The following FARS2 variants were observed in gnomAD, a reference collection of about 807,000 sequenced individuals.
The protein encoded by FARS2 is phenylalanine--tRNA ligase, mitochondrial.
Under a neutral mutation model 46.4 loss-of-function variants are expected in FARS2, and 40 were observed. The observed-to-expected ratio is 0.86, with a 90% CI of 0.67 to 1.12. FARS2 has a LOEUF of 1.12. Ranked by LOEUF, FARS2 falls within the 50% of genes most tolerant of loss-of-function variation. The probability of loss-of-function intolerance (pLI) is 0.00; values close to 1 mark genes in which losing one functional copy is unlikely to be tolerated. For missense variants in FARS2, 513 were observed against 567.9 expected (o/e 0.90, Z 0.98); for synonymous variants, 234 against 214.9 (o/e 1.09, Z -0.78).
rs138546598 is a variant in FARS2, at chr6:5,728,707, G to A, written c.1218-42584G>A. On this transcript the variant is annotated intron_variant, in intron 6 of 6. Transcript: ENST00000274680. ...GCTGGAGGAAAGAAATGGAGGCTGG[G>A]TTTAGAGTACTAGAAGTGGCAAGTC... Among the ~76,000 whole-genome samples, 483 of 152,304 alleles carry A rather than the reference G, an allele frequency of 3.2e-3. 2 individuals are homozygous for A. Among genetic ancestry groups the A allele is most frequent in the Non-Finnish European group, 5.1e-3 (347 of 68,028 alleles).
At chr6:5,546,072 C>G (rs963362213) in intron 5 of FARS2, among the ~76,000 whole-genome samples, 1 of 151,864 alleles carries the variant, frequency 6.6e-6, no homozygotes, top group Non-Finnish European at 1.5e-5. Flanking sequence ...AGGTTGCAGT[C>G]AGCTGAGATC....
intron 6 of FARS2, among the ~76,000 whole-genome samples, chr6:5,723,704 T>A (rs1425298170): frequency 6.6e-6 from 1 of 152,236 alleles, no homozygotes; most frequent in Non-Finnish European, 1.5e-5. Flanking sequence ...TTGAATCTGT[T>A]CTCAAGAATG....
intron 6 of FARS2, among the ~76,000 whole-genome samples, chr6:5,769,089 A>G (rs1224771028): frequency 6.6e-6 from 1 of 152,142 alleles, no homozygotes; most frequent in Non-Finnish European, 1.5e-5. Context: ...GTTTTCTTCT[A>G]AGAGTGATAA....
intron 6 of FARS2, among the ~76,000 whole-genome samples, chr6:5,732,895 A>G (rs1760726274): frequency 6.6e-6 from 1 of 151,984 alleles, no homozygotes; most frequent in African/African-American, 2.4e-5. Flanking sequence ...ACAGTTGCTG[A>G]ATTCTTCCTT....
At chr6:5,427,059 T>C (rs1762895376) in intron 3 of FARS2, among the ~76,000 whole-genome samples, 1 of 152,232 alleles carries the variant, frequency 6.6e-6, no homozygotes, top group Non-Finnish European at 1.5e-5. Context: ...TACTCAAAAA[T>C]AGTGCTTTGC....
At chr6:5,341,213 ATATATATATATATATATATATATTT>A (rs541939313) in intron 1 of FARS2, among the ~76,000 whole-genome samples, 3,222 of 15,906 alleles carry the variant, frequency 0.2, 367 homozygotes, top group Non-Finnish European at 0.23. Flanking sequence ...ATATATATAT[ATATATATATATATATATATATATTT>A]TTTTTTTTTT....
chr6:5,626,788 G>C (rs553677237), intron 6 of FARS2, among the ~76,000 whole-genome samples: 1 of 152,140 alleles, frequency 6.6e-6, no homozygotes, highest in Non-Finnish European at 1.5e-5. Context: ...ATCACTTAAC[G>C]ACGGGGATAC....
chr6:5,517,242 A>G (rs1356876572), intron 4 of FARS2, among the ~76,000 whole-genome samples: 1 of 152,236 alleles, frequency 6.6e-6, no homozygotes, highest in African/African-American at 2.4e-5. Flanking sequence ...TACGTTGTCC[A>G]TAGCCACTGG....
chr6:5,669,210 G>T (rs1221853527), intron 6 of FARS2, among the ~76,000 whole-genome samples: 2 of 152,148 alleles, frequency 1.3e-5, no homozygotes, highest in African/African-American at 2.4e-5. Context: ...ACACGGAGCA[G>T]ACGTGTTATC....
intron 4 of FARS2, chr6:5,451,983 T>A (rs1036033111): frequency 1.3e-5 from 2 of 152,268 alleles, no homozygotes; most frequent in African/African-American, 4.8e-5. Flanking sequence ...ACACGATAGT[T>A]AACTAAACTT....
rs114403670 is a variant in FARS2 at position 5,442,056 on chromosome 6, G to A, written c.904+10884G>A. Among the ~76,000 whole-genome samples, 862 of 152,146 alleles carry A rather than the reference G, an allele frequency of 5.7e-3. 8 individuals carry two copies. The highest frequency in any genetic ancestry group is 0.02 in the African/African-American group (823 of 41,478). On this transcript the variant is annotated intron_variant, in intron 4 of 6. Coordinates refer to ENST00000274680, the MANE Select transcript of FARS2 (RefSeq NM_006567.5). ...GGCTGCACTGAGCCATAGAGTAGCC[G>A]CCACTCCACTCCAGCCTGGGTGGTA...
intron 6 of FARS2, among the ~76,000 whole-genome samples, chr6:5,763,163 G>A (rs974262602): frequency 1.2e-4 from 19 of 152,170 alleles, no homozygotes; most frequent in African/African-American, 4.6e-4. Context: ...GGCTCCCATC[G>A]CTCATATCAT....
chr6:5,736,942 G>A (rs1362567746), intron 6 of FARS2, among the ~76,000 whole-genome samples: 2 of 152,134 alleles, frequency 1.3e-5, no homozygotes, highest in Non-Finnish European at 2.9e-5. Context: ...CCATTAGCAC[G>A]TGAGTTTGCT....
chr6:5,271,560 G>GTTTTTTT lies in FARS2; in HGVS notation c.-22+9914_-22+9920dup, dbSNP rs59053657. Among the ~76,000 whole-genome samples, 18 of 108,712 alleles carry GTTTTTTT rather than the reference G, an allele frequency of 1.7e-4. 7 individuals carry two copies. Among genetic ancestry groups the GTTTTTTT allele is most frequent in the African/African-American group, 2.6e-4 (7 of 27,298 alleles). The allele number at this position is 108,712 out of a possible 152,430, so 71.3% of individuals were successfully genotyped here. A position where few individuals can be genotyped will look rare whatever the true frequency, so the allele number is the denominator to read the frequency against. ...GTGTATAAGAACAGAGACTATGTCT[G>GTTTTTTT]TTTTTTTTTTTTTTTTTTTTGAGGC... is the stretch of plus-strand genomic sequence containing the variant. On this transcript the variant is annotated intron_variant, in intron 1 of 6. Transcript: ENST00000274680.
chr6:5,488,641 A>AAGGAGAATGGCGTGAACCCGG (rs1561657202), intron 4 of FARS2, among the ~76,000 whole-genome samples: 7 of 151,896 alleles, frequency 4.6e-5, no homozygotes, highest in African/African-American at 1.7e-4. Context: ...ATGGAGCATA[A>AAGGAGAATGGCGTGAACCCGG]GAGTTTAGTT....
intron 1 of FARS2, among the ~76,000 whole-genome samples, chr6:5,368,094 C>T (rs577766304): frequency 6.6e-6 from 1 of 152,268 alleles, no homozygotes; most frequent in East Asian, 1.9e-4. Flanking sequence ...TCTTCTCTTC[C>T]ACTCTCCTTC....
intron 1 of FARS2, among the ~76,000 whole-genome samples, chr6:5,346,170 A>G (rs1323008849): frequency 6.6e-6 from 1 of 152,060 alleles, no homozygotes; most frequent in Non-Finnish European, 1.5e-5. Context: ...CTGATCTTTA[A>G]TGTTCTTTCC....
intron 1 of FARS2, chr6:5,291,470 T>C (rs541808764): frequency 1.5e-4 from 23 of 152,336 alleles, no homozygotes; most frequent in African/African-American, 2.9e-4. Context: ...AACTATCCAA[T>C]TTGGGGGAAA....
chr6:5,404,801 T>TC (rs1210894812), intron 3 of FARS2, 100 bp downstream of exon 3: 1 of 872,798 alleles, frequency 1.1e-6, no homozygotes, highest in Non-Finnish European at 1.6e-6. Context: ...ATTTTGAAAT[T>TC]CTTTTTTTTT....
Sources: allele counts gnomAD v4.1 joint callset (sites outside exome capture counted in the v4.1 genomes callset), GRCh38; gene constraint gnomAD v4.1.1; transcripts MANE v1.5; gene names NCBI Gene and HGNC (gene_info 2026-07-23, HGNC 2026-07-21).